HUNK: variants seen among roughly 807,000 people sequenced by gnomAD.
The protein encoded by HUNK is hormonally up-regulated neu tumor-associated kinase.
A neutral mutation model predicts 61.0 loss-of-function variants in HUNK; 21 were observed. That is an observed-to-expected ratio of 0.34 (90% CI 0.24 to 0.50). The LOEUF (loss-of-function observed/expected upper bound fraction) is 0.50, where lower values mean the gene tolerates loss of function less well. Ranked by LOEUF, HUNK falls within the 20% of genes least tolerant of loss-of-function variation. The probability of loss-of-function intolerance (pLI) is 0.98; values close to 1 mark genes in which losing one functional copy is unlikely to be tolerated. For synonymous variants in HUNK, 371 were observed against 386.1 expected, an observed-to-expected ratio of 0.96 and a Z score of 0.46; for missense variants, 772 against 945.7, an observed-to-expected ratio of 0.82 and a Z score of 2.41.
At chr21:31,989,200 C>T (rs898079451) in intron 8 of HUNK, among the ~76,000 whole-genome samples, 2 of 152,142 alleles carry the variant, frequency 1.3e-5, no homozygotes, top group Admixed American at 6.5e-5. Context: ...ACTTGATTAC[C>T]TCTGTAAAGA....
At chr21:31,890,250 A>G (rs2052376919) in intron 1 of HUNK, among the ~76,000 whole-genome samples, 1 of 147,860 alleles carries the variant, frequency 6.8e-6, no homozygotes, top group Non-Finnish European at 1.5e-5. Flanking sequence ...TTTTTTTGAG[A>G]CAGAGTCTCG....
chr21:31,883,795 C>T (rs1425643350), intron 1 of HUNK, among the ~76,000 whole-genome samples: 1 of 152,164 alleles, frequency 6.6e-6, no homozygotes, highest in African/African-American at 2.4e-5. Context: ...CTTTGTTGCC[C>T]ACCCTTGTTG....
At chr21:31,948,449 C>T (rs2052825313) in intron 4 of HUNK, among the ~76,000 whole-genome samples, 2 of 152,222 alleles carry the variant, frequency 1.3e-5, no homozygotes, top group Admixed American at 1.3e-4. Context: ...TCCCATGTAC[C>T]CTCCAGTGCC....
chr21:31,892,155 A>AT (rs1601362143), intron 1 of HUNK, among the ~76,000 whole-genome samples: 2 of 109,888 alleles, frequency 1.8e-5, no homozygotes, highest in African/African-American at 7.0e-5. Context: ...GGTTAAAAAA[A>AT]AAAAAAAATA....
chr21:31,964,489 G>A (rs181792609), intron 5 of HUNK, among the ~76,000 whole-genome samples: 1 of 152,200 alleles, frequency 6.6e-6, no homozygotes, highest in African/African-American at 2.4e-5. Flanking sequence ...AAGGTGTTCT[G>A]TGTGTTACGT....
chr21:31,879,040 C>T (rs573013708), intron 1 of HUNK, among the ~76,000 whole-genome samples: 2 of 152,326 alleles, frequency 1.3e-5, no homozygotes, highest in Admixed American at 1.3e-4. Flanking sequence ...TGCCAGTAAT[C>T]ATGCTTAGAG....
chr21:31,940,042 C>A, intron 2 of HUNK, 123 bp from the exon 3 acceptor site: 1 of 671,150 alleles, frequency 1.5e-6, no homozygotes, highest in Non-Finnish European at 2.6e-6. Flanking sequence ...TGAGTTTTGG[C>A]AGAAAGCTTT....
At chr21:31,880,832 T>TC (rs1408260192) in intron 1 of HUNK, among the ~76,000 whole-genome samples, 1 of 152,118 alleles carries the variant, frequency 6.6e-6, no homozygotes, top group Non-Finnish European at 1.5e-5. Context: ...GGGATTACTC[T>TC]CAGAACTGAC....
rs2052993788 is a variant in HUNK, at chr21:31,969,326, T to G, written c.1010+941T>G. Among the ~76,000 whole-genome samples the G allele has an allele frequency of 2.0e-5, 3 of 152,152 alleles. No homozygotes were observed. In the South Asian group the frequency reaches 6.2e-4, roughly 32 times the overall value. ...TTGTTCTTGATGTTTATTTCAGCCC[T>G]AAGACCCCTGCCTTAAAATGTGGGA... On this transcript the variant is annotated intron_variant, in intron 6 of 10. Transcript: ENST00000270112.
At chr21:31,931,097 T>A (rs1346581505) in intron 2 of HUNK, among the ~76,000 whole-genome samples, 1 of 146,898 alleles carries the variant, frequency 6.8e-6, no homozygotes, top group African/African-American at 2.5e-5. Flanking sequence ...AAAAATCATG[T>A]TCCCTGCAAA....
intron 6 of HUNK, among the ~76,000 whole-genome samples, chr21:31,969,856 C>G (rs988423421): frequency 6.6e-6 from 1 of 152,116 alleles, no homozygotes; most frequent in African/African-American, 2.4e-5. Context: ...CCACTGTGCC[C>G]GGCCAAAAAC....
intron 1 of HUNK, among the ~76,000 whole-genome samples, chr21:31,888,094 C>T (rs1052165295): frequency 2.6e-5 from 4 of 151,946 alleles, no homozygotes; most frequent in Non-Finnish European, 5.9e-5. Flanking sequence ...ATTAAGATGA[C>T]CAGAATCTTG....
At chr21:31,988,924 T>C (rs2053152978) in intron 8 of HUNK, among the ~76,000 whole-genome samples, 2 of 150,100 alleles carry the variant, frequency 1.3e-5, no homozygotes, top group African/African-American at 4.9e-5. Context: ...TTGACCTCCC[T>C]GGCTCAGGTG....
intron 1 of HUNK, among the ~76,000 whole-genome samples, chr21:31,897,934 C>T (rs2052436626): frequency 6.6e-6 from 1 of 152,104 alleles, no homozygotes; most frequent in African/African-American, 2.4e-5. Flanking sequence ...CTGGGATGCT[C>T]ATCATTGTTA....
At chr21:31,921,732 G>T (rs1332032135) in intron 1 of HUNK, among the ~76,000 whole-genome samples, 1 of 152,098 alleles carries the variant, frequency 6.6e-6, no homozygotes, top group Non-Finnish European at 1.5e-5. Context: ...TTCACCCTGG[G>T]GGTGGCCAGA....
At chr21:31,921,470 T>C (rs1408492746) in intron 1 of HUNK, among the ~76,000 whole-genome samples, 1 of 151,768 alleles carries the variant, frequency 6.6e-6, no homozygotes, top group African/African-American at 2.4e-5. Context: ...GTGGCTGGAG[T>C]ACCTGGAGAG....
At chr21:31,933,366 T>TG (rs1209643322) in intron 2 of HUNK, among the ~76,000 whole-genome samples, 1 of 152,132 alleles carries the variant, frequency 6.6e-6, no homozygotes, top group Non-Finnish European at 1.5e-5. Context: ...AAGTTAACAC[T>TG]GGGCCAGGTA....
At chr21:31,990,073 G>A in intron 8 of HUNK, 56 bp from the exon 9 acceptor site, 1 of 1,484,730 alleles carries the variant, frequency 6.7e-7, no homozygotes, top group Admixed American at 1.7e-5. Flanking sequence ...GAAGCATTTA[G>A]GGAATAAATA....
chr21:31,939,404 T>G (rs1237986489), intron 2 of HUNK, among the ~76,000 whole-genome samples: 2 of 134,782 alleles, frequency 1.5e-5, no homozygotes, highest in Admixed American at 7.4e-5. Flanking sequence ...CATGTGTTTT[T>G]TTTTTTTTTT....
Sources: allele counts gnomAD v4.1 joint callset (sites outside exome capture counted in the v4.1 genomes callset), GRCh38; gene constraint gnomAD v4.1.1; transcripts MANE v1.5; gene names NCBI Gene and HGNC (gene_info 2026-07-23, HGNC 2026-07-21).